CCDC57: variants seen among roughly 807,000 people sequenced by gnomAD.
The protein encoded by CCDC57 is coiled-coil domain-containing protein 57.
CCDC57 carries 118 observed loss-of-function variants against 118.9 expected under a neutral mutation model. The ratio of observed to expected loss-of-function variants is 0.99; its 90% CI spans 0.86 to 1.16. The LOEUF is 1.16. CCDC57 is among the 50% of genes most tolerant of loss of function. The pLI, the probability that CCDC57 is intolerant of heterozygous loss-of-function variation, is 0.00. For missense variants in CCDC57, 1,300 were observed against 1,320.7 expected (o/e 0.98, Z 0.24); for synonymous variants, 527 against 532.9 (o/e 0.99, Z 0.15).
intron 19 of CCDC57, chr17:82,109,074 A>T (rs890127004): frequency 2.6e-5 from 4 of 152,290 alleles, no homozygotes; most frequent in African/African-American, 9.6e-5. Flanking sequence ...GGATACAAGC[A>T]CAGGGCTTCC....
rs112436928 is a variant in CCDC57, at chr17:82,126,469, A to G, written c.2899+1223T>C. 173 of 976,400 alleles carry G rather than the reference A, an allele frequency of 1.8e-4. 2 individuals are homozygous for G. The African/African-American group carries it at 2.5e-3, about 14-fold the overall frequency. 60.5% of individuals were successfully genotyped at this position (976,400 alleles called of 1,614,324 possible). A position where few individuals can be genotyped will look rare whatever the true frequency, so the allele number is the denominator to read the frequency against. On this transcript the variant is annotated intron_variant, in intron 19 of 19. Transcript: ENST00000665763. ...ACATATAATGAGCTGCTACAAATCA[A>G]TAAGAAAGACCACAATCTAATACAC...
At chr17:82,151,880 C>T (rs2042108239) in intron 15 of CCDC57, 107 bp from the exon 15 acceptor site, 17 of 925,656 alleles carry the variant, frequency 1.8e-5, no homozygotes, top group Non-Finnish European at 1.9e-5. Context: ...AGGGTGGGCA[C>T]TGCTGGCTGT....
chr17:82,162,619 G>T (rs1380853787), intron 14 of CCDC57, among the ~76,000 whole-genome samples: 2 of 128,432 alleles, frequency 1.6e-5, no homozygotes, highest in Non-Finnish European at 3.3e-5. Flanking sequence ...CACTGACCAG[G>T]ACCCCTCTGA....
At chr17:82,123,848 G>A (rs535222520) in intron 19 of CCDC57, among the ~76,000 whole-genome samples, 2 of 152,208 alleles carry the variant, frequency 1.3e-5, no homozygotes, top group African/African-American at 4.8e-5. Flanking sequence ...ATGAGACATG[G>A]TTAAAGCAAA....
chr17:82,185,575 C>T (rs1001696690), intron 8 of CCDC57, among the ~76,000 whole-genome samples: 16 of 151,770 alleles, frequency 1.1e-4, no homozygotes, highest in African/African-American at 3.1e-4. Context: ...ACCGAGATCA[C>T]GCCACTGCAC....
intron 16 of CCDC57, among the ~76,000 whole-genome samples, chr17:82,138,550 AAAGT>A (rs2039576675): frequency 9.2e-5 from 14 of 152,160 alleles, no homozygotes; most frequent in Admixed American, 9.2e-4. Flanking sequence ...TCGAAAAAAA[AAAGT>A]AAAAAGAAAA....
At chr17:82,101,505 C>G (rs749648939), downstream of CCDC57, 5 of 579,714 alleles carry the variant, frequency 8.6e-6, no homozygotes. Context: ...GGGCCCTGTG[C>G]TCAGGGAGGC....
exon 6 of CCDC57, chr17:82,194,085 C>T: frequency 6.2e-7 from 1 of 1,613,952 alleles, no homozygotes; most frequent in Non-Finnish European, 8.5e-7. Flanking sequence ...AGACTCTCTG[C>T]AGCCTTTGCC....
intron 16 of CCDC57, among the ~76,000 whole-genome samples, chr17:82,148,046 G>T (rs2041080931): frequency 8.0e-6 from 1 of 124,714 alleles, no homozygotes. Flanking sequence ...AGATGGATGG[G>T]TGGGTGGGTG....
chr17:82,135,106 CAT>C (rs1491374349), intron 16 of CCDC57: 1 of 114,820 alleles, frequency 8.7e-6, no homozygotes, highest in Non-Finnish European at 1.8e-5. Flanking sequence ...TTGAAACAGA[CAT>C]TTTTTTTTTT....
At chr17:82,131,689 T>C (rs2145344953) in intron 17 of CCDC57, among the ~76,000 whole-genome samples, 1 of 152,078 alleles carries the variant, frequency 6.6e-6, no homozygotes, top group South Asian at 2.1e-4. Flanking sequence ...GAGACAGACG[T>C]TGCAATAAGC....
chr17:82,111,909 TTG>T (rs1223759410), intron 19 of CCDC57: 1 of 151,596 alleles, frequency 6.6e-6, no homozygotes, highest in Non-Finnish European at 1.5e-5. Context: ...GCTCGCCTTC[TTG>T]TCTTTTAAAG....
intron 14 of CCDC57, among the ~76,000 whole-genome samples, chr17:82,159,398 C>T (rs2043050222): frequency 1.3e-5 from 2 of 152,322 alleles, no homozygotes; most frequent in South Asian, 2.1e-4. Flanking sequence ...AGCCCCTTCA[C>T]GGGCACATGG....
intron 15 of CCDC57, chr17:82,154,037 A>G (rs968131221): frequency 6.6e-6 from 1 of 152,396 alleles, no homozygotes; most frequent in African/African-American, 2.4e-5. Flanking sequence ...CAGCACCAAC[A>G]CCATGGCCAA....
At chr17:82,132,339 A>C (rs1277330330) in intron 17 of CCDC57, among the ~76,000 whole-genome samples, 2 of 152,080 alleles carry the variant, frequency 1.3e-5, no homozygotes, top group Non-Finnish European at 2.9e-5. Context: ...AGGCTGCAAC[A>C]TGAGACAGAT....
intron 1 of CCDC57, among the ~76,000 whole-genome samples, chr17:82,210,659 G>A (rs959645459): frequency 2.2e-5 from 3 of 139,252 alleles, no homozygotes; most frequent in Non-Finnish European, 3.1e-5. Flanking sequence ...CAGCTTGGGC[G>A]AGAGAGAGAG....
chr17:82,160,291 TC>T (rs1443801098), intron 14 of CCDC57: 2 of 152,368 alleles, frequency 1.3e-5, no homozygotes, highest in Non-Finnish European at 2.9e-5. Flanking sequence ...CTGGAAACAT[TC>T]GGTGTCCTTC....
chr17:82,200,511 C>T (rs567203872), intron 3 of CCDC57, among the ~76,000 whole-genome samples: 4 of 152,224 alleles, frequency 2.6e-5, no homozygotes, highest in East Asian at 3.9e-4. Context: ...TGGCCAGGCG[C>T]GGTAGCTCAC....
At chr17:82,168,277 GCTCT>G (rs909734135) in intron 13 of CCDC57, among the ~76,000 whole-genome samples, 4 of 152,170 alleles carry the variant, frequency 2.6e-5, no homozygotes, top group African/African-American at 4.8e-5. Flanking sequence ...GCTGTGCATC[GCTCT>G]CTCTGTGTGC....
Sources: allele counts gnomAD v4.1 joint callset (sites outside exome capture counted in the v4.1 genomes callset), GRCh38; gene constraint gnomAD v4.1.1; transcripts MANE v1.5; gene names NCBI Gene and HGNC (gene_info 2026-07-23, HGNC 2026-07-21).